The following H1-10 variants were observed in gnomAD, a reference collection of about 807,000 sequenced individuals.
The protein encoded by H1-10 is histone H1.10.
For synonymous variants in H1-10, 191 were observed against 140.9 expected (o/e 1.36, Z -2.52); for missense variants, 307 against 297.9 (o/e 1.03, Z -0.22).
At position 129,315,865 on chromosome 3, in the gene H1-10, G is replaced by A; in HGVS notation, c.38C>T (p.Thr13Ile). Residue 13 changes from threonine (T) to isoleucine (I), a missense_variant, in exon 1 of 1, where the codon ACC becomes ATC. Transcript: ENST00000333762. ...CACCTTCTTGGCCATTCCCTCGGCG[G>A]TCGTCACTGGCAGGGCCTCCTCGAG... ...VELEEALPVTTAEGMAKKVTK... is the reference protein window; with the variant it reads ...VELEEALPVTIAEGMAKKVTK... 1.9e-6 allele frequency: 3 copies of A among 1,597,860 alleles called. No individual in the cohort carries two copies. Among genetic ancestry groups the A allele is most frequent in the Non-Finnish European group, 2.6e-6 (3 of 1,172,742 alleles).
rs1215043575 is a variant in H1-10, at chr3:129,315,108, G to A, written c.*153C>T. 2 of 521,630 alleles carry A rather than the reference G, an allele frequency of 3.8e-6. No individual in the cohort carries two copies. The highest frequency in any genetic ancestry group is 3.0e-6 in the Non-Finnish European group (1 of 338,816). 32.3% of individuals were successfully genotyped at this position (521,630 alleles called of 1,614,324 possible). On this transcript the variant is annotated 3_prime_UTR_variant, in exon 1 of 1. Transcript: ENST00000333762. ...AAAAACGCTACATCGTTGGGGGAGG[G>A]GAAAGACTGAGAGGACCCGGGGCCC... is the stretch of plus-strand genomic sequence containing the variant.
rs199647673 is a variant in H1-10, at chr3:129,315,689, T to C, written c.214A>G (p.Thr72Ala). 6.3e-7 allele frequency: 1 copy of C among 1,586,424 alleles called. No homozygotes were observed. Among genetic ancestry groups the C allele is most frequent in the Non-Finnish European group, 8.6e-7 (1 of 1,168,388 alleles). The change falls in exon 1 of 1, where the codon ACC becomes GCC. Residue 72 changes from threonine to alanine, a missense_variant. Transcript: ENST00000333762. The part of the protein sequence containing the change: ...RNGSSLAKIY[T>A]EAKKVPWFDQ... ...AACCACGGAACCTTCTTGGCCTCGG[T>C]GTAGATCTTGGCCAGCGACGAGCCG... is the stretch of plus-strand genomic sequence containing the variant.
chr3:129,315,372 G>A lies in H1-10; in HGVS notation c.531C>T (p.Gly177=), dbSNP rs1259952464. Residue 177 remains glycine (G), a synonymous_variant, in exon 1 of 1, where the codon GGC becomes GGT. Transcript: ENST00000333762. ...PEQRSHKKGA[G]AKKDKGGKAK... The stretch of plus-strand genomic sequence containing the variant: ...CCTTGCCGCCTTTGTCCTTCTTGGC[G>A]CCAGCGCCCTTCTTGTGCGAGCGCT... 2 of 1,544,482 alleles carry A rather than the reference G, an allele frequency of 1.3e-6. No individual in the cohort carries two copies. The highest frequency in any genetic ancestry group is 1.4e-5 in the African/African-American group (1 of 71,252).
Position 129,315,191 on chromosome 3 carries a change from TAC to T in H1-10, c.*68_*69del. 1 of 1,249,524 alleles carries T rather than the reference TAC, an allele frequency of 8.0e-7. No homozygotes were observed. The allele number at this position is 1,249,524 out of a possible 1,614,324, so 77.4% of individuals were successfully genotyped here. A position where few individuals can be genotyped will look rare whatever the true frequency, so the allele number is the denominator to read the frequency against. On this transcript the variant is annotated 3_prime_UTR_variant, in exon 1 of 1. Transcript: ENST00000333762. ...CGGCCGGCGTGAGCCGTACAAAATC[TAC>T]GTCACTTGGGGTAGAAAAACAAAAA...
At position 129,315,795 on chromosome 3, in the gene H1-10, C is replaced by T. The variant is rs772715774; in HGVS notation, c.108G>A (p.Arg36=). ...GSAALSPSKK[R]KNSKKKNQPG... ...GCTGGTTCTTCTTCTTGCTATTCTT[C>T]CTCTTCTTAGATGGGGACAACGCCG... The change falls in exon 1 of 1, where the codon AGG becomes AGA. Residue 36 remains arginine (R), a synonymous_variant. Coordinates refer to ENST00000333762, the MANE Select transcript of H1-10 (RefSeq NM_006026.4). The T allele has an allele frequency of 9.3e-6, 15 of 1,604,962 alleles. No homozygotes were observed. The highest frequency in any genetic ancestry group is 2.7e-5 in the African/African-American group (2 of 74,878).
chr3:129,315,316 T>A lies in H1-10; in HGVS notation c.587A>T (p.Lys196Met). Residue 196 changes from lysine to methionine, a missense_variant, in exon 1 of 1, where the codon AAG becomes ATG. By Grantham distance (95) the Lys-to-Met change is moderately conservative. Coordinates refer to ENST00000333762, the MANE Select transcript of H1-10 (RefSeq NM_006026.4). Reference sequence around the variant, plus strand: ...GCTGGGCTTGGCCGCCTTCTTCACCTTCTTGCCCCCGGCGGCCGCCGTCTT... The same window carrying A: ...GCTGGGCTTGGCCGCCTTCTTCACCATCTTGCCCCCGGCGGCCGCCGTCTT... ...AKKTAAAGGK[K>M]VKKAAKPSVP... 6.6e-7 allele frequency: 1 copy of A among 1,510,424 alleles called. No homozygotes were observed. The highest frequency in any genetic ancestry group is 8.8e-7 in the Non-Finnish European group (1 of 1,132,984). The allele number at this position is 1,510,424 out of a possible 1,614,324, so 93.6% of individuals were successfully genotyped here.
rs2071302759 is a variant in H1-10 at position 129,316,134 on chromosome 3, G to A, written c.-232C>T. ...GGGGCCGGACTAGGGGACCGAGTTG[G>A]GGGTCAGAGACCGAGTCCGAGCCGG... On this transcript the variant is annotated 5_prime_UTR_variant, in exon 1 of 1. Coordinates refer to ENST00000333762, the MANE Select transcript of H1-10 (RefSeq NM_006026.4). 1 of 161,632 alleles carries A rather than the reference G, an allele frequency of 6.2e-6. No homozygotes were observed. Among genetic ancestry groups the A allele is most frequent in the African/African-American group, 2.4e-5 (1 of 41,380 alleles). 10.0% of individuals were successfully genotyped at this position (161,632 alleles called of 1,614,324 possible).
Position 129,315,736 on chromosome 3 carries a change from A to G in H1-10, c.167T>C (p.Ile56Thr). 6.3e-7 allele frequency: 1 copy of G among 1,595,548 alleles called. No individual in the cohort carries two copies. Among genetic ancestry groups the G allele is most frequent in the South Asian group, 1.1e-5 (1 of 87,836 alleles). ...GKYSQLVVET[I>T]RRLGERNGSS... ...GCCGTTGCGCTCGCCCAGCCTACGG[A>G]TGGTCTCCACCACCAGCTGGCTGTA... Residue 56 changes from isoleucine (I) to threonine (T), a missense_variant, in exon 1 of 1, where the codon ATC becomes ACC. Coordinates refer to ENST00000333762, the MANE Select transcript of H1-10 (RefSeq NM_006026.4).
chr3:129,315,692 A>G lies in H1-10; in HGVS notation c.211T>C (p.Tyr71His). ...ERNGSSLAKIYTEAKKVPWFD... is the reference protein window; with the variant it reads ...ERNGSSLAKIHTEAKKVPWFD... ...CACGGAACCTTCTTGGCCTCGGTGT[A>G]GATCTTGGCCAGCGACGAGCCGTTG... Residue 71 changes from tyrosine (Y) to histidine (H), a missense_variant, in exon 1 of 1, where the codon TAC becomes CAC. Transcript: ENST00000333762. 1.3e-6 allele frequency: 2 copies of G among 1,586,296 alleles called. No homozygotes were observed. The highest frequency in any genetic ancestry group is 1.7e-6 in the Non-Finnish European group (2 of 1,168,338).
Position 129,315,305 on chromosome 3 carries a change from CCTT to C in H1-10, c.595_597del (p.Lys199del), listed in dbSNP as rs2071290594. On this transcript the variant is annotated inframe_deletion, in exon 1 of 1. Coordinates refer to ENST00000333762, the MANE Select transcript of H1-10 (RefSeq NM_006026.4). The stretch of plus-strand genomic sequence containing the variant: ...ACTTTGGGGACGCTGGGCTTGGCCG[CCTT>C]CTTCACCTTCTTGCCCCCGGCGGCC... 1.3e-6 allele frequency: 2 copies of C among 1,488,084 alleles called. No individual in the cohort carries two copies. The highest frequency in any genetic ancestry group is 1.8e-6 in the Non-Finnish European group (2 of 1,121,218). The allele number at this position is 1,488,084 out of a possible 1,614,324, so 92.2% of individuals were successfully genotyped here.
At position 129,315,159 on chromosome 3, in the gene H1-10, G is replaced by C; in HGVS notation, c.*102C>G. On this transcript the variant is annotated 3_prime_UTR_variant, in exon 1 of 1. Transcript: ENST00000333762. ...CTCCCTGAGGCTCAGACCAGGCCTC[G>C]CGGCCCCGGCCGGCGTGAGCCGTAC... is the stretch of plus-strand genomic sequence containing the variant. The C allele has an allele frequency of 2.8e-6, 3 of 1,084,346 alleles. No homozygotes were observed. Among genetic ancestry groups the C allele is most frequent in the East Asian group, 3.2e-5 (1 of 30,986 alleles). 67.2% of individuals were successfully genotyped at this position (1,084,346 alleles called of 1,614,324 possible).
At position 129,315,834 on chromosome 3, in the gene H1-10, C is replaced by G; in HGVS notation, c.69G>C (p.Lys23Asn). Reference protein sequence around the residue: ...TAEGMAKKVTKAGGSAALSPS... With the variant: ...TAEGMAKKVTNAGGSAALSPS... ...GGGACAACGCCGCCGAGCCGCCAGC[C>G]TTGGTCACCTTCTTGGCCATTCCCT... The change falls in exon 1 of 1, where the codon AAG (lysine) becomes AAC (asparagine). Residue 23 changes from lysine to asparagine, a missense_variant. Lys to Asn is a moderately conservative substitution (Grantham distance 94, BLOSUM62 0). Coordinates refer to ENST00000333762, the MANE Select transcript of H1-10 (RefSeq NM_006026.4). The G allele has an allele frequency of 6.2e-7, 1 of 1,603,246 alleles. No individual in the cohort carries two copies. Among genetic ancestry groups the G allele is most frequent in the South Asian group, 1.1e-5 (1 of 88,994 alleles).
At position 129,315,181 on chromosome 3, in the gene H1-10, G is replaced by T. The variant is rs1015045328; in HGVS notation, c.*80C>A. On this transcript the variant is annotated 3_prime_UTR_variant, in exon 1 of 1. Transcript: ENST00000333762. ...CTCGCGGCCCCGGCCGGCGTGAGCCGTACAAAATCTACGTCACTTGGGGTA... is the reference window on the plus strand; with the variant it reads ...CTCGCGGCCCCGGCCGGCGTGAGCCTTACAAAATCTACGTCACTTGGGGTA... 7.4e-6 allele frequency: 9 copies of T among 1,220,086 alleles called. No homozygotes were observed. The highest frequency in any genetic ancestry group is 6.3e-5 in the African/African-American group (4 of 63,702). 75.6% of individuals were successfully genotyped at this position (1,220,086 alleles called of 1,614,324 possible). A position where few individuals can be genotyped will look rare whatever the true frequency, so the allele number is the denominator to read the frequency against.
Position 129,315,924 on chromosome 3 carries a change from G to T in H1-10, c.-22C>A. Reference sequence around the variant, plus strand: ...ACATGGTAGCAAGAGGATTGGTGGCGGGCGGCGCGCGGAAGCCGGGGGGCC... The same window carrying T: ...ACATGGTAGCAAGAGGATTGGTGGCTGGCGGCGCGCGGAAGCCGGGGGGCC... On this transcript the variant is annotated 5_prime_UTR_variant, in exon 1 of 1. Coordinates refer to ENST00000333762, the MANE Select transcript of H1-10 (RefSeq NM_006026.4). 1 of 1,541,728 alleles carries T rather than the reference G, an allele frequency of 6.5e-7. No homozygotes were observed. The highest frequency in any genetic ancestry group is 1.9e-5 in the Admixed American group (1 of 52,382).
In H1-10 at chr3:129,315,361, T is replaced by C. The variant is rs1225993867; in HGVS notation, c.542A>G (p.Asp181Gly). ...CGTCTTCTTGGCCTTGCCGCCTTTGTCCTTCTTGGCGCCAGCGCCCTTCTT... is the reference window on the plus strand; with the variant it reads ...CGTCTTCTTGGCCTTGCCGCCTTTGCCCTTCTTGGCGCCAGCGCCCTTCTT... ...SHKKGAGAKK[D>G]KGGKAKKTAA... Residue 181 changes from aspartate (D) to glycine (G), a missense_variant, in exon 1 of 1, where the codon GAC becomes GGC. Physicochemically the swap from Asp to Gly is moderately conservative, Grantham distance 94 (BLOSUM62 -1). Coordinates refer to ENST00000333762, the MANE Select transcript of H1-10 (RefSeq NM_006026.4). 6.5e-7 allele frequency: 1 copy of C among 1,547,328 alleles called. No homozygotes were observed. Among genetic ancestry groups the C allele is most frequent in the South Asian group, 1.2e-5 (1 of 84,964 alleles).
chr3:129,315,621 C>T lies in H1-10; in HGVS notation c.282G>A (p.Lys94=), dbSNP rs1388686936. The part of the protein sequence containing the change: ...NGRTYLKYSI[K]ALVQNDTLLQ... ...GAAGCGTGTCGTTCTGCACCAGCGC[C>T]TTGATCGAGTACTTGAGGTAGGTGC... is the stretch of plus-strand genomic sequence containing the variant. Residue 94 remains lysine (K), a synonymous_variant, in exon 1 of 1, where the codon AAG becomes AAA. Transcript: ENST00000333762. 6.3e-7 allele frequency: 1 copy of T among 1,578,008 alleles called. No homozygotes were observed. The highest frequency in any genetic ancestry group is 1.4e-5 in the African/African-American group (1 of 73,982).
rs2071292950 is a variant in H1-10, at chr3:129,315,449, C to T, written c.454G>A (p.Ala152Thr). Reference sequence around the variant, plus strand: ...TTCTTGTCCGCGCGCCGGGAGCCGGCCGCGCCCGGGGCTGCCTTCTTCGCT... The same window carrying T: ...TTCTTGTCCGCGCGCCGGGAGCCGGTCGCGCCCGGGGCTGCCTTCTTCGCT... ...HKAKKAAPGA[A>T]GSRRADKKPA... Residue 152 changes from alanine to threonine, a missense_variant, in exon 1 of 1, where the codon GCC (alanine) becomes ACC (threonine). Coordinates refer to ENST00000333762, the MANE Select transcript of H1-10 (RefSeq NM_006026.4). 3 of 1,463,710 alleles carry T rather than the reference C, an allele frequency of 2.0e-6. No homozygotes were observed. Among genetic ancestry groups the T allele is most frequent in the African/African-American group, 1.5e-5 (1 of 68,170 alleles). 90.7% of individuals were successfully genotyped at this position (1,463,710 alleles called of 1,614,324 possible).
In H1-10 at chr3:129,315,857, C is replaced by G. The variant is rs748144767; in HGVS notation, c.46G>C (p.Gly16Arg). The change falls in exon 1 of 1, where the codon GGA becomes CGA. Residue 16 changes from glycine (G) to arginine (R), a missense_variant. Transcript: ENST00000333762. The part of the protein sequence containing the change: ...EEALPVTTAE[G>R]MAKKVTKAGG... ...GCCTTGGTCACCTTCTTGGCCATTCCCTCGGCGGTCGTCACTGGCAGGGCC... is the reference window on the plus strand; with the variant it reads ...GCCTTGGTCACCTTCTTGGCCATTCGCTCGGCGGTCGTCACTGGCAGGGCC... The G allele has an allele frequency of 6.3e-7, 1 of 1,599,200 alleles. No homozygotes were observed. The highest frequency in any genetic ancestry group is 8.5e-7 in the Non-Finnish European group (1 of 1,173,394).
At position 129,315,294 on chromosome 3, in the gene H1-10, G is replaced by T; in HGVS notation, c.609C>A (p.Pro203=). The change falls in exon 1 of 1, where the codon CCC becomes CCA. Residue 203 remains proline, a synonymous_variant. Coordinates refer to ENST00000333762, the MANE Select transcript of H1-10 (RefSeq NM_006026.4). ...GGCCCTTGGGCACTTTGGGGACGCTGGGCTTGGCCGCCTTCTTCACCTTCT... is the reference window on the plus strand; with the variant it reads ...GGCCCTTGGGCACTTTGGGGACGCTTGGCTTGGCCGCCTTCTTCACCTTCT... ...GGKKVKKAAK[P]SVPKVPKGRK 6.8e-7 allele frequency: 1 copy of T among 1,478,374 alleles called. No homozygotes were observed. The highest frequency in any genetic ancestry group is 2.2e-5 in the Admixed American group (1 of 46,354). The allele number at this position is 1,478,374 out of a possible 1,614,324, so 91.6% of individuals were successfully genotyped here. A position where few individuals can be genotyped will look rare whatever the true frequency, so the allele number is the denominator to read the frequency against.
Sources: allele counts gnomAD v4.1 joint callset, GRCh38; gene constraint gnomAD v4.1.1; transcripts MANE v1.5; gene names NCBI Gene and HGNC (gene_info 2026-07-23, HGNC 2026-07-21).